Variants in BRINP3 observed in about 807,000 individuals in gnomAD.
The protein encoded by BRINP3 is BMP/retinoic acid inducible neural specific 3.
A neutral mutation model predicts 71.0 loss-of-function variants in BRINP3; 19 were observed. The observed-to-expected ratio is 0.27, with a 90% CI of 0.19 to 0.39. The LOEUF (loss-of-function observed/expected upper bound fraction) is 0.39, where lower values mean the gene tolerates loss of function less well. BRINP3 is among the 10% of genes least tolerant of loss of function. The pLI is 1.00. For missense variants in BRINP3, 959 were observed against 940.8 expected (o/e 1.02, Z -0.25); for synonymous variants, 380 against 337.7 (o/e 1.13, Z -1.37).
intron 2 of BRINP3, among the ~76,000 whole-genome samples, chr1:190,308,365 G>T (rs146428957): frequency 6.6e-6 from 1 of 151,870 alleles, no homozygotes; most frequent in East Asian, 1.9e-4. Flanking sequence ...AAGTATTGTT[G>T]TTCTTGCGAC....
intron 2 of BRINP3, among the ~76,000 whole-genome samples, chr1:190,330,943 T>C (rs1329451740): frequency 6.6e-6 from 1 of 151,844 alleles, no homozygotes; most frequent in Non-Finnish European, 1.5e-5. Context: ...GACATAAAGA[T>C]GGCAACAACA....
chr1:190,208,110 G>T (rs541922760), intron 6 of BRINP3, among the ~76,000 whole-genome samples: 1 of 151,690 alleles, frequency 6.6e-6, no homozygotes, highest in South Asian at 2.1e-4. Flanking sequence ...ACTACACCTG[G>T]TTAATTTTTT....
chr1:190,178,553 A>T (rs905136035), intron 6 of BRINP3, among the ~76,000 whole-genome samples: 1 of 152,144 alleles, frequency 6.6e-6, no homozygotes, highest in African/African-American at 2.4e-5. Context: ...GAAATTAGGT[A>T]AAAATGTTGA....
intron 2 of BRINP3, among the ~76,000 whole-genome samples, chr1:190,345,082 AAGTAGTTTAG>A (rs1454773381): frequency 6.6e-6 from 1 of 151,888 alleles, no homozygotes; most frequent in African/African-American, 2.4e-5. Flanking sequence ...TTAACCTGCC[AAGTAGTTTAG>A]TCAGGGTCCT....
intron 6 of BRINP3, among the ~76,000 whole-genome samples, chr1:190,187,669 CA>C (rs1275313966): frequency 6.6e-6 from 1 of 152,052 alleles, no homozygotes; most frequent in African/African-American, 2.4e-5. Flanking sequence ...GCATCTTTGC[CA>C]AAAAGTAGTT....
chr1:190,119,192 C>T (rs1169139684), intron 7 of BRINP3, among the ~76,000 whole-genome samples: 2 of 151,954 alleles, frequency 1.3e-5, no homozygotes, highest in African/African-American at 4.8e-5. Context: ...ATCATGACTT[C>T]TTAATAGTTT....
intron 4 of BRINP3, among the ~76,000 whole-genome samples, chr1:190,244,663 A>G (rs1411856061): frequency 1.3e-5 from 2 of 152,116 alleles, no homozygotes; most frequent in Admixed American, 6.6e-5. Flanking sequence ...CAGTCTTTCC[A>G]TAAGATTCTC....
chr1:190,197,314 C>T (rs1247005080), intron 6 of BRINP3, among the ~76,000 whole-genome samples: 1 of 152,102 alleles, frequency 6.6e-6, no homozygotes, highest in Non-Finnish European at 1.5e-5. Context: ...CTGGCCCCTA[C>T]CAAATTTCAT....
At chr1:190,385,233 A>T (rs1199831967) in intron 2 of BRINP3, among the ~76,000 whole-genome samples, 1 of 152,160 alleles carries the variant, frequency 6.6e-6, no homozygotes, top group Non-Finnish European at 1.5e-5. Flanking sequence ...GACAAATAGG[A>T]TCTAATTAAA....
chr1:190,395,657 C>T (rs897528185), intron 2 of BRINP3, among the ~76,000 whole-genome samples: 1 of 151,672 alleles, frequency 6.6e-6, no homozygotes, highest in Admixed American at 6.6e-5. Context: ...CTATTGATAA[C>T]TGTGTATTTG....
intron 2 of BRINP3, among the ~76,000 whole-genome samples, chr1:190,370,013 T>A (rs1039761688): frequency 3.3e-5 from 5 of 152,012 alleles, no homozygotes; most frequent in African/African-American, 1.2e-4. Context: ...TCTAGTATCA[T>A]ACTCCTCAGC....
rs116029173 is a variant in BRINP3, at chr1:190,117,248, G to C, written c.1185-18114C>G. Among the ~76,000 whole-genome samples, 286 of 152,020 alleles carry C rather than the reference G, an allele frequency of 1.9e-3. 1 individual carries two copies. Among genetic ancestry groups the C allele is most frequent in the African/African-American group, 6.5e-3 (269 of 41,522 alleles). Reference sequence around the variant, plus strand: ...AACTTTCTATAAGAAGCTTGTGTCAGTATAAACAGAAATGTGCACATAACA... The same window carrying C: ...AACTTTCTATAAGAAGCTTGTGTCACTATAAACAGAAATGTGCACATAACA... On this transcript the variant is annotated intron_variant, in intron 7 of 7. Transcript: ENST00000367462.
chr1:190,454,557 A>T (rs913484284), intron 2 of BRINP3, 98 bp downstream of exon 2: 130 of 906,544 alleles, frequency 1.4e-4, no homozygotes, highest in Non-Finnish European at 2.1e-4. Flanking sequence ...CCTTCTGATA[A>T]TACCTTTTTC....
At chr1:190,235,807 T>C (rs1033859373) in intron 4 of BRINP3, among the ~76,000 whole-genome samples, 2 of 152,008 alleles carry the variant, frequency 1.3e-5, no homozygotes, top group Non-Finnish European at 2.9e-5. Context: ...TTCCAACATT[T>C]TTTTCTTTCT....
intron 2 of BRINP3, among the ~76,000 whole-genome samples, chr1:190,329,317 A>G (rs142687957): frequency 5.3e-5 from 8 of 152,032 alleles, no homozygotes; most frequent in African/African-American, 1.9e-4. Flanking sequence ...GAATGGATAA[A>G]TAACTTCAGT....
chr1:190,286,043 A>G (rs913309743), intron 2 of BRINP3, among the ~76,000 whole-genome samples: 2 of 152,182 alleles, frequency 1.3e-5, no homozygotes, highest in Non-Finnish European at 2.9e-5. Context: ...AGTTTAATGT[A>G]ACTCAGTCCT....
chr1:190,451,368 T>C (rs1675594021), intron 2 of BRINP3, among the ~76,000 whole-genome samples: 1 of 152,152 alleles, frequency 6.6e-6, no homozygotes, highest in Non-Finnish European at 1.5e-5. Context: ...CTCTAATGTA[T>C]TAAAAGAATA....
At chr1:190,322,593 C>T (rs1300799320) in intron 2 of BRINP3, among the ~76,000 whole-genome samples, 2 of 151,854 alleles carry the variant, frequency 1.3e-5, no homozygotes, top group African/African-American at 2.4e-5. Context: ...TTGCAAAGGC[C>T]GTGAACTTGA....
At position 190,350,273 on chromosome 1, in the gene BRINP3, A is replaced by G. The variant is rs935758002; in HGVS notation, c.237-68523T>C. Among the ~76,000 whole-genome samples, 15 of 152,282 alleles carry G rather than the reference A, an allele frequency of 9.9e-5. No homozygotes were observed. The East Asian group carries it at 2.9e-3, about 30-fold the overall frequency. On this transcript the variant is annotated intron_variant, in intron 2 of 7. Transcript: ENST00000367462. ...TCCACAGCTATGTTCTGGAGGTAAC[A>G]GGTCCAGAAAAACAGCATATTTCTC...
Sources: gnomAD v4.1 joint callset for allele counts (sites outside exome capture counted in the v4.1 genomes callset) on GRCh38, gnomAD v4.1.1 for gene constraint, MANE v1.5 for transcripts, NCBI Gene and HGNC (gene_info 2026-07-23, HGNC 2026-07-21) for gene names.